The following MTERF4 variants were observed in gnomAD, a reference collection of about 807,000 sequenced individuals.
The protein encoded by MTERF4 is transcription termination factor 4, mitochondrial.
In MTERF4, 17 loss-of-function variants were observed where a neutral mutation model predicts 22.5. The observed-to-expected ratio is 0.75, with a 90% CI of 0.52 to 1.13. MTERF4 has a LOEUF of 1.13. Among genes scored for constraint, MTERF4 ranks in the 50% most tolerant of loss-of-function variants. The pLI, the probability that MTERF4 is intolerant of heterozygous loss-of-function variation, is 0.00. For missense variants in MTERF4, 420 were observed against 466.8 expected, an observed-to-expected ratio of 0.90 and a Z score of 0.92; for synonymous variants, 165 against 175.3, an observed-to-expected ratio of 0.94 and a Z score of 0.47.
the MTERF4 span, among the ~76,000 whole-genome samples, chr2:241,047,554 C>A: frequency 2.2e-4 from 33 of 152,276 alleles, no homozygotes; most frequent in African/African-American, 7.0e-4. Flanking sequence ...ATATTGTGAG[C>A]CATAAGTAAG....
the MTERF4 span, chr2:241,065,188 T>C: frequency 2.7e-6 from 3 of 1,128,720 alleles, no homozygotes; most frequent in Admixed American, 2.3e-5. Context: ...CTGCCAGCGA[T>C]GGCTGTGTCA....
downstream of MTERF4, chr2:241,071,718 C>CCCCCCGT: frequency 6.7e-7 from 1 of 1,503,690 alleles, no homozygotes; most frequent in Non-Finnish European, 9.0e-7. Flanking sequence ...CCCAGCCCCC[C>CCCCCCGT]AGGTACATGC....
downstream of MTERF4, chr2:241,090,224 A>G (rs915508084): frequency 3.4e-5 from 50 of 1,488,420 alleles, no homozygotes; most frequent in Non-Finnish European, 4.5e-5. Flanking sequence ...GTTTTTTACT[A>G]TTTAACTTTT....
chr2:241,055,634 C>T, the MTERF4 span, among the ~76,000 whole-genome samples: 4 of 152,178 alleles, frequency 2.6e-5, no homozygotes, highest in African/African-American at 9.7e-5. Flanking sequence ...TTTCATCCTC[C>T]AGCCAAATTT....
At position 241,073,509 on chromosome 2, in the gene MTERF4, G is replaced by A. The variant is rs572508148; in HGVS notation, n.2653C>T. ...GGGGAGGCTGAGCACCAGGCACCCCGGTGTGGGAAGATGGGGTGAAGCTAC... is the reference window on the plus strand; with the variant it reads ...GGGGAGGCTGAGCACCAGGCACCCCAGTGTGGGAAGATGGGGTGAAGCTAC... On this transcript the variant is annotated non_coding_transcript_exon_variant, in exon 5 of 5. Transcript: ENST00000464344. This position sits in a 1 kb window ranked among gnomAD's most constrained non-coding sequence, Gnocchi z 6.6. The A allele has an allele frequency of 2.5e-3, 1,726 of 703,790 alleles. 21 individuals are homozygous for A. The highest frequency in any genetic ancestry group is 0.016 in the South Asian group (966 of 60,866). The allele number at this position is 703,790 out of a possible 1,614,324, so 43.6% of individuals were successfully genotyped here.
rs192779294 is a variant in MTERF4, at chr2:241,081,423, T to A, written n.480-5741A>T. Reference sequence around the variant, plus strand: ...CCTTCTCCTCCTCCTTGTTTTTGTTTGTCTTCCTTCCTTCCAGTAATGAGG... The same window carrying A: ...CCTTCTCCTCCTCCTTGTTTTTGTTAGTCTTCCTTCCTTCCAGTAATGAGG... On this transcript the variant is annotated intron_variant and non_coding_transcript_variant, in intron 4 of 4. Coordinates refer to the MTERF4 transcript ENST00000464344. Among the ~76,000 whole-genome samples, 355 of 152,314 alleles carry A rather than the reference T, an allele frequency of 2.3e-3. 3 individuals carry two copies. The highest frequency in any genetic ancestry group is 8.0e-3 in the African/African-American group (334 of 41,574).
At chr2:241,089,297 T>G, downstream of MTERF4, 1 of 1,549,418 alleles carries the variant, frequency 6.5e-7, no homozygotes, top group Non-Finnish European at 8.7e-7. Flanking sequence ...ATCTTCCTGG[T>G]GGCGCAGATG....
chr2:241,095,738 G>T lies in MTERF4; in HGVS notation c.*260C>A. 1.9e-6 allele frequency: 1 copy of T among 522,002 alleles called. No homozygotes were observed. 32.3% of individuals were successfully genotyped at this position (522,002 alleles called of 1,614,324 possible). On this transcript the variant is annotated 3_prime_UTR_variant, in exon 4 of 4. Transcript: ENST00000391980. Reference sequence around the variant, plus strand: ...ATATTGAGTCCCCTTGATGTGAATAGCTCAACATAAGTATCTTATTCAGGA... The same window carrying T: ...ATATTGAGTCCCCTTGATGTGAATATCTCAACATAAGTATCTTATTCAGGA...
rs897029132 is a variant in MTERF4, at chr2:241,097,097, G to A, written c.705+146C>T. On this transcript the variant is annotated intron_variant, in intron 3 of 3. Coordinates refer to ENST00000391980, the MANE Select transcript of MTERF4 (RefSeq NM_182501.4). ...TCCGAGGCTTCTTATCCATATAACT[G>A]ACCTTCACTACATTTGAAAAACCTG... The A allele has an allele frequency of 6.7e-6, 6 of 898,806 alleles. No homozygotes were observed. The Admixed American group carries it at 1.2e-4, about 18-fold the overall frequency. 55.7% of individuals were successfully genotyped at this position (898,806 alleles called of 1,614,324 possible).
At chr2:241,065,197 C>T in the MTERF4 span, 6 of 1,232,768 alleles carry the variant, frequency 4.9e-6, no homozygotes, top group African/African-American at 9.0e-5. Flanking sequence ...ATGGCTGTGT[C>T]AGGCCCAAGA....
At chr2:241,060,678 C>T in the MTERF4 span, among the ~76,000 whole-genome samples, 1 of 152,162 alleles carries the variant, frequency 6.6e-6, no homozygotes, top group Non-Finnish European at 1.5e-5. Flanking sequence ...GCACATGGCT[C>T]ATGCCTATAA....
the MTERF4 span, chr2:241,063,258 AG>A: frequency 2.1e-6 from 1 of 479,940 alleles, no homozygotes; most frequent in Non-Finnish European, 3.8e-6. Context: ...GTACCTCGCT[AG>A]GGCTCTAAGC....
At chr2:241,071,338 CG>C, downstream of MTERF4, 1 of 592,230 alleles carries the variant, frequency 1.7e-6, no homozygotes, top group Non-Finnish European at 3.0e-6. Flanking sequence ...GGCCAGTGCA[CG>C]CCTGTGTCAT....
At chr2:241,084,895 ACTT>A (rs2125319943), downstream of MTERF4, among the ~76,000 whole-genome samples, 1 of 152,176 alleles carries the variant, frequency 6.6e-6, no homozygotes, top group East Asian at 1.9e-4. Context: ...CTGAATATAG[ACTT>A]CTTGATTGAC....
At chr2:241,082,723 C>T (rs146012783), downstream of MTERF4, among the ~76,000 whole-genome samples, 1 of 152,342 alleles carries the variant, frequency 6.6e-6, no homozygotes, top group African/African-American at 2.4e-5. Context: ...GAAAAACAAA[C>T]AGCTCATGAG....
At chr2:241,062,946 C>A in the MTERF4 span, 4 of 1,317,208 alleles carry the variant, frequency 3.0e-6, no homozygotes, top group Non-Finnish European at 3.1e-6. Context: ...AGCTGCAGCA[C>A]ACTGGCCATG....
At position 241,073,941 on chromosome 2, in the gene MTERF4, C is replaced by G. The variant is rs1040220145; in HGVS notation, n.2221G>C. 1.3e-5 allele frequency: 2 copies of G among 157,188 alleles called. No individual in the cohort carries two copies. Among genetic ancestry groups the G allele is most frequent in the African/African-American group, 4.8e-5 (2 of 41,600 alleles). The allele number at this position is 157,188 out of a possible 1,614,324, so 9.7% of individuals were successfully genotyped here. ...TGCAGTAAGAGTTCCCAGACGCTCA[C>G]GAGGCAGTTCCCCTTCGGGCAGCAC... On this transcript the variant is annotated non_coding_transcript_exon_variant, in exon 5 of 5. Transcript: ENST00000464344. The surrounding 1 kb of genome is among the most constrained non-coding windows in gnomAD (Gnocchi z 6.6).
At chr2:241,048,343 C>G in the MTERF4 span, 1 of 1,610,570 alleles carries the variant, frequency 6.2e-7, no homozygotes, top group Non-Finnish European at 8.5e-7. Context: ...ACGCCTGCCT[C>G]TCGGCCCCTT....
intron 4 of MTERF4, among the ~76,000 whole-genome samples, chr2:241,077,977 TATACCCAA>T (rs2063107972): frequency 6.6e-6 from 1 of 152,124 alleles, no homozygotes; most frequent in Admixed American, 6.6e-5. Context: ...CTCCTAGGTA[TATACCCAA>T]GAGAAATGAA....
Sources: allele counts gnomAD v4.1 joint callset (sites outside exome capture counted in the v4.1 genomes callset), GRCh38; gene constraint gnomAD v4.1.1; non-coding constraint Gnocchi (gnomAD v3.1); transcripts MANE v1.5; gene names NCBI Gene and HGNC (gene_info 2026-07-23, HGNC 2026-07-21).